MARCHF7: variants seen among roughly 807,000 people sequenced by gnomAD.
MARCHF7 encodes the protein membrane associated ring-CH-type finger 7.
In MARCHF7, 20 loss-of-function variants were observed where a neutral mutation model predicts 76.5. The observed-to-expected ratio is 0.26, with a 90% CI of 0.18 to 0.38. The LOEUF is 0.38. MARCHF7 is among the 10% of genes least tolerant of loss of function. The probability of loss-of-function intolerance (pLI) is 1.00; values close to 1 mark genes in which losing one functional copy is unlikely to be tolerated. For synonymous variants in MARCHF7, 295 were observed against 293.0 expected, an observed-to-expected ratio of 1.01 and a Z score of -0.07; for missense variants, 797 against 812.9, an observed-to-expected ratio of 0.98 and a Z score of 0.24.
chr2:159,726,289 G>A (rs1702163840), intron 3 of MARCHF7, among the ~76,000 whole-genome samples: 1 of 151,480 alleles, frequency 6.6e-6, no homozygotes, highest in Non-Finnish European at 1.5e-5. Flanking sequence ...TTGATACCGA[G>A]TCTCGCTCTT....
chr2:159,753,053 C>A (rs1409452260), intron 8 of MARCHF7, among the ~76,000 whole-genome samples: 2 of 152,126 alleles, frequency 1.3e-5, no homozygotes, highest in Non-Finnish European at 2.9e-5. Flanking sequence ...AGACAAGGCA[C>A]CTGCTTCTTG....
intron 4 of MARCHF7, among the ~76,000 whole-genome samples, chr2:159,740,839 A>G (rs2125526425): frequency 6.6e-6 from 1 of 152,256 alleles, no homozygotes; most frequent in Non-Finnish European, 1.5e-5. Flanking sequence ...CAGTGTTACC[A>G]TGAACTAATA....
At chr2:159,719,399 C>T (rs1325765017) in intron 3 of MARCHF7, among the ~76,000 whole-genome samples, 1 of 151,892 alleles carries the variant, frequency 6.6e-6, no homozygotes, top group African/African-American at 2.4e-5. Flanking sequence ...CACCACCCCG[C>T]CCACTCCCAA....
chr2:159,752,651 T>C (rs1365802), intron 8 of MARCHF7, 80 bp downstream of exon 8: 129,262 of 1,235,022 alleles, frequency 0.1, 8,316 homozygotes, highest in African/African-American at 0.24. Context: ...AATTTATAGA[T>C]TGTTGAATTT....
rs1245037593 is a variant in MARCHF7, at chr2:159,729,181, A to T, written c.153+6A>T. 4 of 1,585,120 alleles carry T rather than the reference A, an allele frequency of 2.5e-6. No individual in the cohort carries two copies. The highest frequency in any genetic ancestry group is 3.4e-6 in the Non-Finnish European group (4 of 1,168,412). Reference sequence around the variant, plus strand: ...GATTGGATTCTGAATATCAGGTAACATTTTTATTTGGAATATATGTATACA... The same window carrying T: ...GATTGGATTCTGAATATCAGGTAACTTTTTTATTTGGAATATATGTATACA... On this transcript the variant is annotated splice_donor_region_variant and intron_variant, in intron 4 of 11. Coordinates refer to ENST00000409175, the MANE Select transcript of MARCHF7 (RefSeq NM_001282805.2).
chr2:159,736,380 T>C (rs1468650716), intron 4 of MARCHF7, among the ~76,000 whole-genome samples: 3 of 152,210 alleles, frequency 2.0e-5, no homozygotes, highest in Non-Finnish European at 4.4e-5. Context: ...ATGTTATACA[T>C]CTTTTCATGT....
At chr2:159,757,229 C>T (rs1706442819) in intron 8 of MARCHF7, among the ~76,000 whole-genome samples, 1 of 152,098 alleles carries the variant, frequency 6.6e-6, no homozygotes, top group Non-Finnish European at 1.5e-5. Flanking sequence ...ATAATAAGTG[C>T]TTTTCAAGAT....
rs1559999203 is a variant in MARCHF7 at position 159,731,572 on chromosome 2, T to C, written c.153+2397T>C. ...GAGTTTGAGACCAGCCTAACCAACA[T>C]GGAGAAACCCCGTCTCTACTAAAAA... On this transcript the variant is annotated intron_variant, in intron 4 of 11. Transcript: ENST00000409175. Among the ~76,000 whole-genome samples the C allele has an allele frequency of 4.7e-5, 7 of 149,356 alleles. No individual in the cohort carries two copies. In the South Asian group the frequency reaches 1.3e-3, roughly 27 times the overall value.
At chr2:159,739,101 C>T (rs974624258) in intron 4 of MARCHF7, among the ~76,000 whole-genome samples, 2 of 152,180 alleles carry the variant, frequency 1.3e-5, no homozygotes, top group African/African-American at 4.8e-5. Flanking sequence ...AAAATCGGAG[C>T]AGGAGGCGGG....
intron 3 of MARCHF7, among the ~76,000 whole-genome samples, chr2:159,720,872 G>A (rs962331104): frequency 3.9e-5 from 6 of 152,034 alleles, no homozygotes; most frequent in East Asian, 1.9e-4. Flanking sequence ...TTCCGCAACC[G>A]CTCAAGACAG....
chr2:159,723,285 T>C (rs1238323029), intron 3 of MARCHF7, among the ~76,000 whole-genome samples: 2 of 152,240 alleles, frequency 1.3e-5, no homozygotes, highest in African/African-American at 4.8e-5. Context: ...AAAAAGCCGA[T>C]GGTAGAAAAG....
In MARCHF7 at chr2:159,712,540, C is replaced by G. The variant is rs578060802; in HGVS notation, c.-209C>G. 6.5e-6 allele frequency: 1 copy of G among 152,780 alleles called. No individual in the cohort carries two copies. The highest frequency in any genetic ancestry group is 2.4e-5 in the African/African-American group (1 of 41,548). 9.5% of individuals were successfully genotyped at this position (152,780 alleles called of 1,614,324 possible). ...CCGGATCCGGGAGAGGGGCGGGCGC[C>G]ATTGTGCTTCGCTGCCGACTGCATT... is the stretch of plus-strand genomic sequence containing the variant. On this transcript the variant is annotated 5_prime_UTR_variant, in exon 1 of 12. Transcript: ENST00000409175.
intron 5 of MARCHF7, among the ~76,000 whole-genome samples, chr2:159,744,004 TG>T (rs1370539179): frequency 0.12 from 2,952 of 24,172 alleles, 942 homozygotes; most frequent in Non-Finnish European, 0.16. Flanking sequence ...TTTTTTTTTT[TG>T]GAGACGGAGT....
chr2:159,731,338 T>A (rs924036519), intron 4 of MARCHF7, among the ~76,000 whole-genome samples: 13 of 152,024 alleles, frequency 8.6e-5, no homozygotes, highest in African/African-American at 2.9e-4. Context: ...TTATAATAAT[T>A]ATTATAATAG....
intron 3 of MARCHF7, among the ~76,000 whole-genome samples, chr2:159,726,404 A>C (rs1302156138): frequency 6.6e-6 from 1 of 152,110 alleles, no homozygotes; most frequent in Non-Finnish European, 1.5e-5. Context: ...CTGGGACTAC[A>C]GGCGCCCGCT....
At chr2:159,728,335 T>C (rs1383864322) in intron 3 of MARCHF7, among the ~76,000 whole-genome samples, 1 of 152,204 alleles carries the variant, frequency 6.6e-6, no homozygotes, top group Non-Finnish European at 1.5e-5. Context: ...CTATGAGTGG[T>C]AAATAAAAAG....
chr2:159,722,706 T>A (rs11900361), intron 3 of MARCHF7, among the ~76,000 whole-genome samples: 17,735 of 152,248 alleles, frequency 0.12, 2,415 homozygotes, highest in African/African-American at 0.33. Flanking sequence ...ACATTTTTGT[T>A]TTTCACTATA....
chr2:159,751,376 C>T (rs932848202), intron 7 of MARCHF7, among the ~76,000 whole-genome samples: 1 of 151,982 alleles, frequency 6.6e-6, no homozygotes, highest in African/African-American at 2.4e-5. Context: ...AGACATTCTA[C>T]AATTAAAAAT....
chr2:159,745,822 A>T lies in MARCHF7; in HGVS notation c.399A>T (p.Gly133=). The part of the protein sequence containing the change: ...QVPRSSSMVL[G]SFGTDLMRER... The stretch of plus-strand genomic sequence containing the variant: ...CTAGATCTTCATCAATGGTACTTGG[A>T]TCATTTGGAACAGACTTAATGAGAG... The change falls in exon 6 of 12, where the codon GGA becomes GGT. Residue 133 remains glycine, a synonymous_variant. Transcript: ENST00000409175. 1 of 1,612,816 alleles carries T rather than the reference A, an allele frequency of 6.2e-7. No homozygotes were observed. Among genetic ancestry groups the T allele is most frequent in the Middle Eastern group, 1.7e-4 (1 of 6,056 alleles).
Sources: gnomAD v4.1 joint callset for allele counts (sites outside exome capture counted in the v4.1 genomes callset) on GRCh38, gnomAD v4.1.1 for gene constraint, MANE v1.5 for transcripts, NCBI Gene and HGNC (gene_info 2026-07-23, HGNC 2026-07-21) for gene names.